CDK14: variants seen among roughly 807,000 people sequenced by gnomAD.
CDK14 encodes cyclin-dependent kinase 14.
CDK14 carries 34 observed loss-of-function variants against 60.7 expected under a neutral mutation model. The observed-to-expected ratio is 0.56, with a 90% CI of 0.43 to 0.75. CDK14 has a LOEUF of 0.75. Among genes scored for constraint, CDK14 ranks in the 30% least tolerant of loss-of-function variants. CDK14 has a pLI of 0.00. For missense variants in CDK14, 482 were observed against 564.1 expected, an observed-to-expected ratio of 0.85 and a Z score of 1.47; for synonymous variants, 197 against 203.7, an observed-to-expected ratio of 0.97 and a Z score of 0.28.
intron 5 of CDK14, among the ~76,000 whole-genome samples, 178 bp from the exon 6 acceptor site, chr7:90,862,997 T>C (rs1337043343): frequency 6.6e-6 from 1 of 152,116 alleles, no homozygotes; most frequent in African/African-American, 2.4e-5. Context: ...CTGGGCAGCA[T>C]AGTGAGACCC....
At chr7:90,965,005 C>A (rs1794709706) in intron 9 of CDK14, among the ~76,000 whole-genome samples, 1 of 152,106 alleles carries the variant, frequency 6.6e-6, no homozygotes, top group African/African-American at 2.4e-5. Context: ...TTTTCAAATT[C>A]TCAAACACAA....
chr7:90,810,648 T>C (rs1173317466), intron 5 of CDK14, among the ~76,000 whole-genome samples: 1 of 152,138 alleles, frequency 6.6e-6, no homozygotes, highest in African/African-American at 2.4e-5. Context: ...ATAAAGGGTA[T>C]TCAATTAGGA....
intron 6 of CDK14, among the ~76,000 whole-genome samples, chr7:90,866,666 CT>C (rs1183060185): frequency 6.6e-6 from 1 of 151,898 alleles, no homozygotes; most frequent in African/African-American, 2.4e-5. Flanking sequence ...AAATGTATTT[CT>C]TTTTTTGGCT....
intron 5 of CDK14, among the ~76,000 whole-genome samples, chr7:90,849,366 G>C (rs1053156445): frequency 1.3e-5 from 2 of 152,022 alleles, no homozygotes; most frequent in Non-Finnish European, 2.9e-5. Flanking sequence ...GTAGAATTGT[G>C]AACCACATAA....
chr7:90,641,531 C>T (rs1800332058), intron 2 of CDK14, among the ~76,000 whole-genome samples: 1 of 151,936 alleles, frequency 6.6e-6, no homozygotes. Context: ...CAAAGGACCA[C>T]ATATTGTATG....
chr7:90,667,816 G>A (rs1486415551), intron 2 of CDK14, among the ~76,000 whole-genome samples: 1 of 152,216 alleles, frequency 6.6e-6, no homozygotes, highest in Non-Finnish European at 1.5e-5. Flanking sequence ...TGATCCGCCC[G>A]CCTCTGCCTC....
At chr7:90,889,921 T>A (rs992645555) in intron 6 of CDK14, among the ~76,000 whole-genome samples, 1 of 152,260 alleles carries the variant, frequency 6.6e-6, no homozygotes, top group African/African-American at 2.4e-5. Flanking sequence ...GTAATTATAA[T>A]CTTGTCTTCA....
intron 4 of CDK14, among the ~76,000 whole-genome samples, chr7:90,753,448 A>G (rs1385716747): frequency 2.0e-5 from 3 of 152,192 alleles, no homozygotes; most frequent in Non-Finnish European, 2.9e-5. Flanking sequence ...CCTTCATGAT[A>G]AAGACCCTCA....
chr7:91,197,455 A>G (rs1043722867), intron 14 of CDK14, among the ~76,000 whole-genome samples: 5 of 151,888 alleles, frequency 3.3e-5, no homozygotes, highest in Admixed American at 3.3e-4. Flanking sequence ...GTTCAGAGAC[A>G]GCTGGTCACC....
chr7:90,897,392 G>A (rs1231805024), intron 6 of CDK14, among the ~76,000 whole-genome samples: 3 of 152,006 alleles, frequency 2.0e-5, no homozygotes, highest in Non-Finnish European at 4.4e-5. Flanking sequence ...ATGGACATGT[G>A]ATTATTGATA....
chr7:90,923,635 C>G (rs1051908676), intron 8 of CDK14, among the ~76,000 whole-genome samples: 1 of 152,076 alleles, frequency 6.6e-6, no homozygotes, highest in Non-Finnish European at 1.5e-5. Context: ...CAGTTTCAGC[C>G]AAATCATGCA....
intron 10 of CDK14, among the ~76,000 whole-genome samples, chr7:91,015,791 C>CA (rs74909689): frequency 0.042 from 5,850 of 140,448 alleles, 147 homozygotes; most frequent in South Asian, 0.1. Context: ...GTTTATATAC[C>CA]AAAAAAAAAA....
At chr7:90,630,961 T>C (rs1056809534) in intron 2 of CDK14, among the ~76,000 whole-genome samples, 1 of 151,548 alleles carries the variant, frequency 6.6e-6, no homozygotes, top group Non-Finnish European at 1.5e-5. Context: ...TAATCTCTTT[T>C]ATTTTCTTTT....
chr7:90,794,596 G>A (rs944730548), intron 5 of CDK14, among the ~76,000 whole-genome samples: 19 of 152,218 alleles, frequency 1.2e-4, no homozygotes, highest in African/African-American at 3.9e-4. Context: ...TGTTCTGCCC[G>A]GCTGTCAGGC....
chr7:90,680,108 T>C (rs1801284750), intron 2 of CDK14, among the ~76,000 whole-genome samples: 2 of 152,200 alleles, frequency 1.3e-5, no homozygotes, highest in African/African-American at 4.8e-5. Flanking sequence ...CGTTTGTATG[T>C]ATATCCCTGT....
intron 14 of CDK14, among the ~76,000 whole-genome samples, chr7:91,141,524 G>T (rs1009296244): frequency 6.6e-6 from 1 of 152,098 alleles, no homozygotes; most frequent in East Asian, 1.9e-4. Flanking sequence ...AGGACTTGAT[G>T]GGATAAACAA....
intron 2 of CDK14, among the ~76,000 whole-genome samples, 164 bp downstream of exon 2, chr7:90,604,413 T>C (rs1799376728): frequency 6.6e-6 from 1 of 152,250 alleles, no homozygotes. Context: ...TAAATAATCG[T>C]TCAAATGAGT....
Position 91,080,748 on chromosome 7 carries a change from G to T in CDK14, c.1154+1268G>T, listed in dbSNP as rs13223084. 4.5e-3 allele frequency among the ~76,000 whole-genome samples: 686 copies of T among 152,292 alleles called. 4 individuals carry two copies. Among genetic ancestry groups the T allele is most frequent in the Middle Eastern group, 0.01 (3 of 294 alleles). ...CCTTCCAACCAGATAACCACTTTAT[G>T]AAACAATTCTTGATAAAGCCATTGA... On this transcript the variant is annotated intron_variant, in intron 12 of 14. Coordinates refer to ENST00000380050, the MANE Select transcript of CDK14 (RefSeq NM_001287135.2).
At chr7:90,762,717 G>T (rs577981707) in intron 4 of CDK14, among the ~76,000 whole-genome samples, 1 of 152,186 alleles carries the variant, frequency 6.6e-6, no homozygotes, top group Non-Finnish European at 1.5e-5. Context: ...CCGGTGTGGT[G>T]GCTCACCCTT....
Sources: allele counts gnomAD v4.1 joint callset (sites outside exome capture counted in the v4.1 genomes callset), GRCh38; gene constraint gnomAD v4.1.1; transcripts MANE v1.5; gene names NCBI Gene and HGNC (gene_info 2026-07-23, HGNC 2026-07-21).